The following KMT2C variants were observed in gnomAD, a reference collection of about 807,000 sequenced individuals.
The protein encoded by KMT2C is lysine methyltransferase 2C, also known as histone-lysine N-methyltransferase 2C.
A neutral mutation model predicts 507.9 loss-of-function variants in KMT2C; 88 were observed. That is an observed-to-expected ratio of 0.17 (90% CI 0.15 to 0.21). The LOEUF is 0.21. KMT2C is among the 10% of genes least tolerant of loss of function. The pLI is 1.00. For missense variants in KMT2C, 4,954 were observed against 5,957.8 expected, an observed-to-expected ratio of 0.83 and a Z score of 5.55; for synonymous variants, 2,049 against 2,080.8, an observed-to-expected ratio of 0.98 and a Z score of 0.42.
intron 1 of KMT2C, among the ~76,000 whole-genome samples, chr7:152,364,634 G>T (rs28415953): frequency 0.028 from 4,183 of 147,236 alleles, 227 homozygotes; most frequent in African/African-American, 0.1. Context: ...AAGAAAAAAA[G>T]AAAAAAATGC....
intron 25 of KMT2C, 37 bp downstream of exon 25, chr7:152,205,069 A>AT (rs2129137195): frequency 3.5e-6 from 5 of 1,442,414 alleles, no homozygotes; most frequent in Non-Finnish European, 2.8e-6. Flanking sequence ...AAAGGGTTAC[A>AT]TTAAAAAAAA....
rs188217106 is a variant in KMT2C at position 152,194,607 on chromosome 7, G to C, written c.4379-39C>G. ...GAAAATAAATTTAAAGGTACATTCA[G>C]AATACTCACACAAAAATGTATAGCA... On this transcript the variant is annotated intron_variant, in intron 28 of 58. Coordinates refer to ENST00000262189, the MANE Select transcript of KMT2C (RefSeq NM_170606.3). 673 of 1,549,992 alleles carry C rather than the reference G, an allele frequency of 4.3e-4. 7 individuals carry two copies. In the African/African-American group the frequency reaches 7.7e-3, roughly 18 times the overall value.
In KMT2C at chr7:152,207,548, G is replaced by C. The variant is rs1588205710; in HGVS notation, c.3713-120C>G. On this transcript the variant is annotated intron_variant, in intron 23 of 58. Coordinates refer to ENST00000262189, the MANE Select transcript of KMT2C (RefSeq NM_170606.3). ...CCATTTTAATTGTACATCCCTGTTG[G>C]TAGGGAAAGTATGAAAGGAGATAGA... The C allele has an allele frequency of 2.9e-5, 23 of 784,482 alleles. 1 individual carries two copies. In the East Asian group the frequency reaches 6.3e-4, roughly 22 times the overall value. 48.6% of individuals were successfully genotyped at this position (784,482 alleles called of 1,614,324 possible).
At position 152,162,623 on chromosome 7, in the gene KMT2C, G is replaced by A. The variant is rs1563199898; in HGVS notation, c.10954C>T (p.Leu3652Phe). ...GACTCTTGGTCGGCTTGTTGAGGAA[G>A]CTCACTGGGTGTGCTCACTGCAGGA... ...STPAVSTPSELPQQADQESVE... is the reference protein window; with the variant it reads ...STPAVSTPSEFPQQADQESVE... Residue 3652 changes from leucine to phenylalanine, a missense_variant, in exon 43 of 59, where the codon CTT becomes TTT. Leu to Phe is a conservative substitution (Grantham distance 22). This residue lies in a region of KMT2C where 801 missense variants were observed against 751.2 expected (regional missense o/e 1.07). Coordinates refer to ENST00000262189, the MANE Select transcript of KMT2C (RefSeq NM_170606.3). The A allele has an allele frequency of 3.1e-6, 5 of 1,614,248 alleles. No homozygotes were observed. Among genetic ancestry groups the A allele is most frequent in the Non-Finnish European group, 4.2e-6 (5 of 1,180,040 alleles).
At chr7:152,301,517 A>G (rs2096568356) in intron 6 of KMT2C, among the ~76,000 whole-genome samples, 1 of 151,840 alleles carries the variant, frequency 6.6e-6, no homozygotes, top group African/African-American at 2.4e-5. Flanking sequence ...CAAAAAAATA[A>G]AAAAGAAAAG....
chr7:152,165,905 C>T (rs1447767359), intron 42 of KMT2C, among the ~76,000 whole-genome samples: 3 of 152,104 alleles, frequency 2.0e-5, no homozygotes, highest in Admixed American at 6.6e-5. Context: ...GCCAGCTGGT[C>T]TCGAACTCCT....
At chr7:152,297,347 T>A (rs1283367279) in intron 6 of KMT2C, among the ~76,000 whole-genome samples, 1 of 152,138 alleles carries the variant, frequency 6.6e-6, no homozygotes, top group Non-Finnish European at 1.5e-5. Flanking sequence ...CTGCACAGAA[T>A]GCTGAGAGGA....
rs779150118 is a variant in KMT2C, at chr7:152,139,207, G to A, written c.14513C>T (p.Thr4838Met). Residue 4838 changes from threonine (T) to methionine (M), a missense_variant, in exon 57 of 59, where the codon ACG becomes ATG. Physicochemically the swap from Thr to Met is moderately conservative, Grantham distance 81. Transcript: ENST00000262189. Reference protein sequence around the residue: ...RMDNDHVIDATLTGGPARYIN... With the variant: ...RMDNDHVIDAMLTGGPARYIN... ...TCACCTTGCGGGCCCTCCTGTGAGC[G>A]TCGCGTCAATCACATGGTCGTTATC... The A allele has an allele frequency of 3.1e-6, 5 of 1,613,984 alleles. No individual in the cohort carries two copies. Among genetic ancestry groups the A allele is most frequent in the Admixed American group, 1.7e-5 (1 of 60,030 alleles).
At chr7:152,255,144 T>TATATATATATAC (rs1361185988) in intron 9 of KMT2C, among the ~76,000 whole-genome samples, 95 of 120,316 alleles carry the variant, frequency 7.9e-4, no homozygotes, top group African/African-American at 1.7e-3. Context: ...TATATATATA[T>TATATATATATAC]ACATATATAT....
intron 3 of KMT2C, among the ~76,000 whole-genome samples, chr7:152,328,172 T>C (rs2096848193): frequency 6.6e-6 from 1 of 152,126 alleles, no homozygotes; most frequent in Admixed American, 6.5e-5. Context: ...TGGTGGGAGC[T>C]GCTGTTTTCT....
intron 6 of KMT2C, among the ~76,000 whole-genome samples, chr7:152,299,319 A>AAAATAAAT (rs71294474): frequency 0.022 from 3,262 of 146,730 alleles, 80 homozygotes; most frequent in African/African-American, 0.057. Context: ...TCTATCTCAA[A>AAAATAAAT]AAATAAATAA....
At chr7:152,249,392 T>G (rs2095526475) in intron 13 of KMT2C, among the ~76,000 whole-genome samples, 1 of 143,982 alleles carries the variant, frequency 6.9e-6, no homozygotes, top group African/African-American at 2.6e-5. Flanking sequence ...AGCACAAACA[T>G]GGCTCACTGC....
At chr7:152,377,799 TG>T (rs2097341113) in intron 1 of KMT2C, among the ~76,000 whole-genome samples, 1 of 151,510 alleles carries the variant, frequency 6.6e-6, no homozygotes, top group Non-Finnish European at 1.5e-5. Context: ...GAAAACCTTC[TG>T]GAAAGGATTC....
intron 1 of KMT2C, chr7:152,367,137 T>C: frequency 8.7e-7 from 1 of 1,155,374 alleles, no homozygotes; most frequent in Non-Finnish European, 1.3e-6. Context: ...CCTAGAAATC[T>C]AGCACTGGAG....
At chr7:152,204,487 A>G (rs1404989059) in intron 25 of KMT2C, among the ~76,000 whole-genome samples, 1 of 152,004 alleles carries the variant, frequency 6.6e-6, no homozygotes, top group African/African-American at 2.4e-5. Flanking sequence ...CTCCAGCTAC[A>G]TCAGAGGTTG....
rs569671328 is a variant in KMT2C, at chr7:152,421,387, T to C, written c.161+14239A>G. Among the ~76,000 whole-genome samples the C allele has an allele frequency of 6.0e-3, 919 of 152,340 alleles. 8 individuals carry two copies. Among genetic ancestry groups the C allele is most frequent in the African/African-American group, 0.02 (834 of 41,584 alleles). Reference sequence around the variant, plus strand: ...CCATTCAATCCAGGTATCCCATTACTGGATATATACCCAAATTAATAGAAA... The same window carrying C: ...CCATTCAATCCAGGTATCCCATTACCGGATATATACCCAAATTAATAGAAA... On this transcript the variant is annotated intron_variant, in intron 1 of 58. Transcript: ENST00000262189.
chr7:152,218,715 G>A (rs1284317262), intron 23 of KMT2C, among the ~76,000 whole-genome samples: 3 of 152,062 alleles, frequency 2.0e-5, no homozygotes, highest in Admixed American at 6.6e-5. Context: ...ATACTGAGCC[G>A]TCCTTCTTGT....
intron 2 of KMT2C, among the ~76,000 whole-genome samples, chr7:152,333,599 TA>T (rs1403913123): frequency 6.6e-6 from 1 of 152,186 alleles, no homozygotes; most frequent in Non-Finnish European, 1.5e-5. Context: ...CACAAAACTT[TA>T]TCTCTTATCG....
At chr7:152,145,579 G>A (rs10266387) in intron 53 of KMT2C, among the ~76,000 whole-genome samples, 1,663 of 152,264 alleles carry the variant, frequency 0.011, 34 homozygotes, top group African/African-American at 0.038. Flanking sequence ...CAATATACAC[G>A]CTTGTGTGAT....
Sources: gnomAD v4.1 joint callset for allele counts (sites outside exome capture counted in the v4.1 genomes callset) on GRCh38, gnomAD v4.1.1 for gene constraint, gnomAD v4.1.1 regional missense constraint, MANE v1.5 for transcripts, NCBI Gene and HGNC (gene_info 2026-07-23, HGNC 2026-07-21) for gene names.